Variants in ZNF385D observed in about 807,000 individuals in gnomAD.
ZNF385D encodes the protein zinc finger protein 659.
A neutral mutation model predicts 35.8 loss-of-function variants in ZNF385D; 15 were observed. That is an observed-to-expected ratio of 0.42 (90% confidence interval 0.28 to 0.64). The LOEUF (loss-of-function observed/expected upper bound fraction) is 0.64, where lower values mean the gene tolerates loss of function less well. Ranked by LOEUF, ZNF385D falls within the 30% of genes least tolerant of loss-of-function variation. The pLI, the probability that ZNF385D is intolerant of heterozygous loss-of-function variation, is 0.23. For missense variants in ZNF385D, 474 were observed against 494.6 expected, an observed-to-expected ratio of 0.96 and a Z score of 0.39; for synonymous variants, 212 against 186.8, an observed-to-expected ratio of 1.13 and a Z score of -1.10.
chr3:22,168,281 T>A (rs774216366), intron 3 of ZNF385D, among the ~76,000 whole-genome samples: 1 of 152,160 alleles, frequency 6.6e-6, no homozygotes. Context: ...TATTCACTCA[T>A]AAATTCAACA....
chr3:22,080,794 T>C lies in ZNF385D; in HGVS notation c.325+88023A>G, dbSNP rs532107591. The stretch of plus-strand genomic sequence containing the variant: ...AGGGTGGTGTCATTTTGTTTGGGAT[T>C]AGTGGGTTTTATAAATGGGACCCCA... On this transcript the variant is annotated intron_variant, in intron 3 of 5. Transcript: ENST00000494108. 1.4e-4 allele frequency among the ~76,000 whole-genome samples: 22 copies of C among 152,140 alleles called. 1 individual carries two copies. Among genetic ancestry groups the C allele is most frequent in the African/African-American group, 5.3e-4 (22 of 41,518 alleles).
At chr3:21,891,198 AAC>A in intron 3 of ZNF385D, among the ~76,000 whole-genome samples, 1 of 152,330 alleles carries the variant, frequency 6.6e-6, no homozygotes, top group East Asian at 1.9e-4. Context: ...GTAATCAATA[AAC>A]AGATATTTCG....
intron 1 of ZNF385D, among the ~76,000 whole-genome samples, chr3:21,692,732 T>G (rs1575472174): frequency 6.6e-6 from 1 of 152,220 alleles, no homozygotes; most frequent in Admixed American, 6.5e-5. Flanking sequence ...TAGAAGGTAT[T>G]CTTTTGCCAC....
At chr3:22,223,703 G>T (rs1290676068) in intron 2 of ZNF385D, among the ~76,000 whole-genome samples, 1 of 152,040 alleles carries the variant, frequency 6.6e-6, no homozygotes, top group East Asian at 1.9e-4. Flanking sequence ...ACAAGACAAA[G>T]AAACAAAAAT....
intron 3 of ZNF385D, among the ~76,000 whole-genome samples, chr3:21,831,824 G>C (rs922601615): frequency 6.6e-6 from 1 of 151,994 alleles, no homozygotes; most frequent in East Asian, 1.9e-4. Context: ...CCTGTATTTT[G>C]GCTATTTTAT....
chr3:21,696,406 A>G (rs545263933), intron 1 of ZNF385D, among the ~76,000 whole-genome samples: 43 of 152,348 alleles, frequency 2.8e-4, no homozygotes, highest in African/African-American at 9.6e-4. Flanking sequence ...TACATGTCAC[A>G]GAGAAAACAC....
At chr3:22,288,934 ACT>A (rs1285573629) in intron 2 of ZNF385D, among the ~76,000 whole-genome samples, 11 of 151,912 alleles carry the variant, frequency 7.2e-5, no homozygotes, top group African/African-American at 9.7e-5. Flanking sequence ...CAAACTGCTG[ACT>A]CTGTTTTTAG....
At chr3:21,462,696 C>T (rs987514256) in intron 4 of ZNF385D, among the ~76,000 whole-genome samples, 1 of 152,118 alleles carries the variant, frequency 6.6e-6, no homozygotes, top group African/African-American at 2.4e-5. Flanking sequence ...GAAGAGGCAA[C>T]ATTGGCCAGG....
chr3:22,100,558 A>G (rs1427503636), intron 3 of ZNF385D, among the ~76,000 whole-genome samples: 2 of 152,012 alleles, frequency 1.3e-5, no homozygotes, highest in Non-Finnish European at 2.9e-5. Flanking sequence ...ATTGGAAATC[A>G]TCCTTCTCAG....
chr3:21,938,358 C>A (rs577138582), intron 3 of ZNF385D, among the ~76,000 whole-genome samples: 1 of 152,158 alleles, frequency 6.6e-6, no homozygotes, highest in African/African-American at 2.4e-5. Flanking sequence ...AGGTCCAAGC[C>A]TGAATGCACC....
At chr3:22,271,922 T>C (rs983782406) in intron 2 of ZNF385D, among the ~76,000 whole-genome samples, 10 of 152,036 alleles carry the variant, frequency 6.6e-5, no homozygotes, top group African/African-American at 2.4e-4. Flanking sequence ...AAACAATACT[T>C]TGAATATTGA....
intron 3 of ZNF385D, among the ~76,000 whole-genome samples, chr3:22,045,660 T>C (rs1482146135): frequency 6.6e-6 from 1 of 152,186 alleles, no homozygotes; most frequent in East Asian, 1.9e-4. Context: ...GGTGGTATTT[T>C]AAAAATAATT....
chr3:21,710,976 TG>T, intron 1 of ZNF385D, among the ~76,000 whole-genome samples: 1 of 151,990 alleles, frequency 6.6e-6, no homozygotes, highest in South Asian at 2.1e-4. Flanking sequence ...ATCATAGCGA[TG>T]TGACTTTTGT....
chr3:22,143,145 C>G (rs927225192), intron 3 of ZNF385D, among the ~76,000 whole-genome samples: 3 of 150,414 alleles, frequency 2.0e-5, no homozygotes, highest in South Asian at 2.1e-4. Flanking sequence ...TGCAGTGGCA[C>G]GATCTCCGCT....
chr3:22,123,336 C>A (rs1703210900), intron 3 of ZNF385D, among the ~76,000 whole-genome samples: 1 of 151,988 alleles, frequency 6.6e-6, no homozygotes, highest in Non-Finnish European at 1.5e-5. Context: ...TTTTTAAAAT[C>A]TTTATGGGTA....
At chr3:21,706,531 C>A (rs1231756370) in intron 1 of ZNF385D, among the ~76,000 whole-genome samples, 1 of 152,032 alleles carries the variant, frequency 6.6e-6, no homozygotes, top group African/African-American at 2.4e-5. Context: ...TGTAGCTGGC[C>A]CCTTAACTAG....
intron 3 of ZNF385D, among the ~76,000 whole-genome samples, chr3:21,885,009 T>C (rs984787833): frequency 1.3e-5 from 2 of 152,174 alleles, no homozygotes; most frequent in Admixed American, 6.6e-5. Context: ...CAGAATGCAG[T>C]AGATATAACT....
At chr3:22,011,682 A>G (rs758946791) in intron 3 of ZNF385D, among the ~76,000 whole-genome samples, 50 of 152,136 alleles carry the variant, frequency 3.3e-4, no homozygotes, top group Non-Finnish European at 6.5e-4. Flanking sequence ...AATAAAAGCT[A>G]TAATTTATGT....
At chr3:21,880,374 G>C (rs1376137547) in intron 3 of ZNF385D, among the ~76,000 whole-genome samples, 1 of 151,870 alleles carries the variant, frequency 6.6e-6, no homozygotes, top group South Asian at 2.1e-4. Context: ...TCACATTTTG[G>C]TAATTCTTGC....
Sources: allele counts gnomAD v4.1 joint callset (sites outside exome capture counted in the v4.1 genomes callset), GRCh38; gene constraint gnomAD v4.1.1; transcripts MANE v1.5; gene names NCBI Gene and HGNC (gene_info 2026-07-23, HGNC 2026-07-21).